Variants in STAG1 observed in about 807,000 individuals in gnomAD.
The protein encoded by STAG1 is cohesin subunit SA-1.
Under a neutral mutation model 170.9 loss-of-function variants are expected in STAG1, and 26 were observed. That is an observed-to-expected ratio of 0.15 (90% CI 0.11 to 0.21). The LOEUF is 0.21. Ranked by LOEUF, STAG1 falls within the 10% of genes least tolerant of loss-of-function variation. STAG1 has a pLI of 1.00. For synonymous variants in STAG1, 514 were observed against 497.7 expected (o/e 1.03, Z -0.44); for missense variants, 964 against 1,509.5 (o/e 0.64, Z 5.99).
At chr3:136,713,976 A>G (rs1371145255) in intron 1 of STAG1, among the ~76,000 whole-genome samples, 1 of 151,974 alleles carries the variant, frequency 6.6e-6, no homozygotes, top group African/African-American at 2.4e-5. Flanking sequence ...GTGAGCCAAG[A>G]TCGTGCCGTT....
At position 136,363,362 on chromosome 3, in the gene STAG1, T is replaced by C; in HGVS notation, c.2787+4A>G. On this transcript the variant is annotated splice_donor_region_variant and intron_variant, in intron 26 of 33. Coordinates refer to ENST00000383202, the MANE Select transcript of STAG1 (RefSeq NM_005862.3). The stretch of plus-strand genomic sequence containing the variant: ...CTTTGTCTCCCTCTCTCCAAATTTC[T>C]TACCTGTTGCAAACTGAGAATGAGA... 6.5e-7 allele frequency: 1 copy of C among 1,528,500 alleles called. No individual in the cohort carries two copies. Among genetic ancestry groups the C allele is most frequent in the Non-Finnish European group, 9.0e-7 (1 of 1,108,180 alleles). The allele number at this position is 1,528,500 out of a possible 1,614,324, so 94.7% of individuals were successfully genotyped here. A position where few individuals can be genotyped will look rare whatever the true frequency, so the allele number is the denominator to read the frequency against.
In STAG1 at chr3:136,662,089, C is replaced by T. The variant is rs185039438; in HGVS notation, c.-83-31108G>A. ...CCTTTTCTCTCCTTAGTTCAGCTAA[C>T]TGAGTCTTAGCTAGGCCAATTTTCC... On this transcript the variant is annotated intron_variant, in intron 1 of 33. Transcript: ENST00000383202. Among the ~76,000 whole-genome samples, 48 of 151,986 alleles carry T rather than the reference C, an allele frequency of 3.2e-4. No individual in the cohort carries two copies. In the East Asian group the frequency reaches 8.3e-3, roughly 26 times the overall value.
At chr3:136,475,680 T>A (rs2089731706) in intron 10 of STAG1, among the ~76,000 whole-genome samples, 1 of 152,178 alleles carries the variant, frequency 6.6e-6, no homozygotes, top group Non-Finnish European at 1.5e-5. Flanking sequence ...GACAGCAGTT[T>A]GTTAGGATTT....
intron 6 of STAG1, among the ~76,000 whole-genome samples, chr3:136,541,104 G>A (rs67281610): frequency 0.077 from 11,720 of 151,808 alleles, 472 homozygotes; most frequent in Non-Finnish European, 0.093. Flanking sequence ...CCCAATACCC[G>A]GGTCACACAC....
chr3:136,699,648 T>C (rs1942992410), intron 1 of STAG1, among the ~76,000 whole-genome samples: 1 of 151,908 alleles, frequency 6.6e-6, no homozygotes, highest in Non-Finnish European at 1.5e-5. Flanking sequence ...GTAGAGGCCA[T>C]TGTTCTAAGT....
chr3:136,571,405 C>T (rs958562904), intron 4 of STAG1, among the ~76,000 whole-genome samples: 6 of 151,886 alleles, frequency 4.0e-5, no homozygotes, highest in Non-Finnish European at 8.8e-5. Context: ...CCTGTCTCTA[C>T]AAAAATTACA....
intron 1 of STAG1, among the ~76,000 whole-genome samples, chr3:136,648,692 A>T (rs1286241703): frequency 6.6e-6 from 1 of 152,006 alleles, no homozygotes; most frequent in Non-Finnish European, 1.5e-5. Flanking sequence ...TTCCCCTTCT[A>T]CCTACCCTTC....
At chr3:136,610,009 A>G (rs1036436057) in intron 3 of STAG1, among the ~76,000 whole-genome samples, 3 of 151,978 alleles carry the variant, frequency 2.0e-5, no homozygotes, top group Admixed American at 6.6e-5. Flanking sequence ...AATTATTTCT[A>G]TTGCATGTTT....
intron 4 of STAG1, among the ~76,000 whole-genome samples, chr3:136,588,499 C>T (rs1025593201): frequency 3.9e-5 from 6 of 152,096 alleles, no homozygotes; most frequent in Non-Finnish European, 7.4e-5. Context: ...TGCCACCATG[C>T]TGGCTAATTT....
intron 1 of STAG1, among the ~76,000 whole-genome samples, chr3:136,686,108 A>T (rs572156198): frequency 2.0e-5 from 3 of 152,286 alleles, no homozygotes; most frequent in African/African-American, 7.2e-5. Context: ...TGGCCTTAAG[A>T]TTACAGCAGG....
chr3:136,730,448 G>GGA (rs1005629536), intron 1 of STAG1, among the ~76,000 whole-genome samples: 1 of 152,052 alleles, frequency 6.6e-6, no homozygotes, highest in Non-Finnish European at 1.5e-5. Context: ...TGTAACATTG[G>GGA]GAAAAGGTAC....
At chr3:136,612,675 C>T (rs1183013846) in intron 3 of STAG1, among the ~76,000 whole-genome samples, 1 of 152,122 alleles carries the variant, frequency 6.6e-6, no homozygotes, top group Non-Finnish European at 1.5e-5. Context: ...CAGAGCAAGA[C>T]CCTGTCTTAA....
intron 4 of STAG1, among the ~76,000 whole-genome samples, chr3:136,579,405 C>CTATT (rs10684444): frequency 0.78 from 118,171 of 151,704 alleles, 46,115 homozygotes; most frequent in East Asian, 0.86. Context: ...GTTGAATCCT[C>CTATT]TAGGGTCTCA....
At chr3:136,412,308 C>T (rs947353869) in intron 21 of STAG1, among the ~76,000 whole-genome samples, 11 of 152,080 alleles carry the variant, frequency 7.2e-5, no homozygotes, top group African/African-American at 2.4e-4. Context: ...ACAAAATAAA[C>T]GACAGAGTTA....
intron 1 of STAG1, among the ~76,000 whole-genome samples, chr3:136,672,742 C>T (rs1220878643): frequency 6.6e-6 from 1 of 151,940 alleles, no homozygotes; most frequent in Non-Finnish European, 1.5e-5. Context: ...AAGATACATG[C>T]TAGTCATATG....
rs1019563922 is a variant in STAG1 at position 136,352,407 on chromosome 3, G to A, written c.3066-3044C>T. 2.6e-5 allele frequency among the ~76,000 whole-genome samples: 4 copies of A among 152,080 alleles called. No homozygotes were observed. In the East Asian group the frequency reaches 5.8e-4, roughly 22 times the overall value. On this transcript the variant is annotated intron_variant, in intron 28 of 33. Transcript: ENST00000383202. ...ACTCGTGAGCTCAAGTGATCGGTCC[G>A]CCTTGGCCTCCCAAAGTGCTGGGAT...
intron 15 of STAG1, among the ~76,000 whole-genome samples, chr3:136,440,769 T>A (rs1222800126): frequency 6.6e-6 from 1 of 151,840 alleles, no homozygotes. Context: ...GTGGGAGGAC[T>A]ACTTGAGCCC....
rs769899036 is a variant in STAG1, at chr3:136,521,297, A to G, written c.592T>C (p.Tyr198His). 1 of 1,613,808 alleles carries G rather than the reference A, an allele frequency of 6.2e-7. No homozygotes were observed. Among genetic ancestry groups the G allele is most frequent in the South Asian group, 1.1e-5 (1 of 91,074 alleles). Residue 198 changes from tyrosine to histidine, a missense_variant, in exon 7 of 34, where the codon TAT (tyrosine) becomes CAT (histidine). Physicochemically the swap from Tyr to His is moderately conservative, Grantham distance 83. Transcript: ENST00000383202. ...AGGGAGATTACTGTGTCCATCATAT[A>G]CTCATCATAAATTATGCTATACTGA... The part of the protein sequence containing the change: ...QCQYSIIYDE[Y>H]MMDTVISLLT...
rs542797314 is a variant in STAG1, at chr3:136,538,654, G to A, written c.471+3465C>T. Among the ~76,000 whole-genome samples the A allele has an allele frequency of 5.0e-4, 76 of 151,930 alleles. No homozygotes were observed. The South Asian group carries it at 6.0e-3, about 12-fold the overall frequency. The stretch of plus-strand genomic sequence containing the variant: ...GGCTGTTCTGTGAACTTCTGACCTC[G>A]GGTGACCCACCCACCTTGGTCTCCC... On this transcript the variant is annotated intron_variant, in intron 6 of 33. Coordinates refer to ENST00000383202, the MANE Select transcript of STAG1 (RefSeq NM_005862.3).
Sources: allele counts gnomAD v4.1 joint callset (sites outside exome capture counted in the v4.1 genomes callset), GRCh38; gene constraint gnomAD v4.1.1; transcripts MANE v1.5; gene names NCBI Gene and HGNC (gene_info 2026-07-23, HGNC 2026-07-21).